The following NRG4 variants were observed in gnomAD, a reference collection of about 807,000 sequenced individuals.
NRG4 encodes neuregulin 4, also known as pro-neuregulin-4, membrane-bound isoform.
NRG4 carries 10 observed loss-of-function variants against 15.0 expected under a neutral mutation model. The observed-to-expected ratio is 0.67, with a 90% CI of 0.41 to 1.13. The LOEUF (loss-of-function observed/expected upper bound fraction) is 1.13, where lower values mean the gene tolerates loss of function less well. NRG4 is among the 50% of genes most tolerant of loss of function. The pLI, the probability that NRG4 is intolerant of heterozygous loss-of-function variation, is 0.00. For synonymous variants in NRG4, 41 were observed against 50.1 expected (o/e 0.82, Z 0.77); for missense variants, 139 against 140.2 (o/e 0.99, Z 0.04).
At chr15:76,031,089 C>T (rs1035016723) in intron 5 of NRG4, among the ~76,000 whole-genome samples, 2 of 151,920 alleles carry the variant, frequency 1.3e-5, no homozygotes, top group African/African-American at 4.8e-5. Context: ...ATACAATTCA[C>T]CACATTAACA....
intron 3 of NRG4, among the ~76,000 whole-genome samples, chr15:75,984,032 A>G (rs2141856585): frequency 6.6e-6 from 1 of 152,346 alleles, no homozygotes; most frequent in Middle Eastern, 3.4e-3. Flanking sequence ...GTTCCTGAAA[A>G]AATACATGGC....
At chr15:75,952,762 G>A (rs2031986836) in intron 5 of NRG4, among the ~76,000 whole-genome samples, 1 of 151,928 alleles carries the variant, frequency 6.6e-6, no homozygotes, top group African/African-American at 2.4e-5. Flanking sequence ...GGCTAATGAT[G>A]ATTGTCTTTT....
At chr15:75,983,457 A>G (rs944237473) in intron 3 of NRG4, among the ~76,000 whole-genome samples, 12 of 152,154 alleles carry the variant, frequency 7.9e-5, no homozygotes, top group Non-Finnish European at 1.2e-4. Flanking sequence ...AGTAAAAAAC[A>G]CTCACTGCTA....
At chr15:75,985,196 A>G (rs1802556541) in intron 3 of NRG4, among the ~76,000 whole-genome samples, 1 of 152,216 alleles carries the variant, frequency 6.6e-6, no homozygotes, top group Non-Finnish European at 1.5e-5. Flanking sequence ...AAGTTCCATT[A>G]TAACTCCCAG....
At chr15:76,019,959 T>C (rs2035102044) in intron 5 of NRG4, among the ~76,000 whole-genome samples, 1 of 152,246 alleles carries the variant, frequency 6.6e-6, no homozygotes, top group Non-Finnish European at 1.5e-5. Flanking sequence ...TGGTGCCATT[T>C]TTCCAACAGC....
In NRG4 at chr15:75,967,127, A is replaced by T. The variant is rs371641960; in HGVS notation, c.105-5153T>A. On this transcript the variant is annotated intron_variant, in intron 3 of 5. Transcript: ENST00000394907. ...GACTCCGTCTCAAAAAAAAAAAAAA[A>T]AAAAAAAGTCTACAGCCATATAACA... Among the ~76,000 whole-genome samples the T allele has an allele frequency of 9.3e-4, 141 of 151,672 alleles. 1 individual carries two copies. In the East Asian group the frequency reaches 0.024, roughly 26 times the overall value.
At chr15:76,037,931 GACACAA>G (rs879826301) in intron 4 of NRG4, among the ~76,000 whole-genome samples, 5,607 of 118,136 alleles carry the variant, frequency 0.047, 180 homozygotes, top group African/African-American at 0.09. Flanking sequence ...TACAATACTA[GACACAA>G]TACTAGACAG....
intron 4 of NRG4, among the ~76,000 whole-genome samples, chr15:76,051,441 T>C: frequency 6.6e-6 from 1 of 150,998 alleles, no homozygotes; most frequent in Non-Finnish European, 1.5e-5. Flanking sequence ...GTGTTCAGCC[T>C]AAAAGTTGAA....
At chr15:76,009,708 T>G (rs1173796896) in intron 2 of NRG4, among the ~76,000 whole-genome samples, 1 of 152,178 alleles carries the variant, frequency 6.6e-6, no homozygotes, top group African/African-American at 2.4e-5. Context: ...TCAAATACAT[T>G]AATATCTGAA....
intron 4 of NRG4, among the ~76,000 whole-genome samples, chr15:76,050,808 ATT>A (rs1253621582): frequency 1.4e-5 from 2 of 138,124 alleles, no homozygotes; most frequent in Admixed American, 7.2e-5. Context: ...TCCAAAACTA[ATT>A]TTTTTTTTTT....
chr15:75,980,505 A>G (rs1050399758), intron 3 of NRG4, among the ~76,000 whole-genome samples: 1 of 152,058 alleles, frequency 6.6e-6, no homozygotes, highest in Non-Finnish European at 1.5e-5. Context: ...AACCTGTATA[A>G]TCAAATACAG....
At chr15:76,050,597 ATT>A (rs35228253) in intron 4 of NRG4, among the ~76,000 whole-genome samples, 9,332 of 109,052 alleles carry the variant, frequency 0.086, 519 homozygotes, top group African/African-American at 0.18. Flanking sequence ...CGCTCGGCTA[ATT>A]TTTTTTTTTT....
At chr15:75,964,141 A>C (rs2032674182) in intron 3 of NRG4, among the ~76,000 whole-genome samples, 1 of 152,120 alleles carries the variant, frequency 6.6e-6, no homozygotes. Flanking sequence ...GAAATGGAAT[A>C]AACACACATA....
At chr15:76,060,178 C>CCAGGCGAGGGTGCGTGGGG (rs2036269700), upstream of NRG4, among the ~76,000 whole-genome samples, 1 of 151,768 alleles carries the variant, frequency 6.6e-6, no homozygotes, top group Non-Finnish European at 1.5e-5. Context: ...GCCGGGGGAG[C>CCAGGCGAGGGTGCGTGGGG]CAGGCGAGGG....
intron 3 of NRG4, among the ~76,000 whole-genome samples, chr15:76,006,917 G>A (rs1301798272): frequency 1.3e-5 from 2 of 152,124 alleles, no homozygotes; most frequent in African/African-American, 2.4e-5. Context: ...CAGATAGCTA[G>A]TATACAGATA....
intron 3 of NRG4, among the ~76,000 whole-genome samples, chr15:75,983,642 TAACTC>T (rs1227871456): frequency 6.6e-6 from 1 of 152,048 alleles, no homozygotes; most frequent in African/African-American, 2.4e-5. Flanking sequence ...AATAGTAACA[TAACTC>T]AATAAGATAG....
chr15:75,986,026 T>G (rs138447457), intron 3 of NRG4, among the ~76,000 whole-genome samples: 2,005 of 152,322 alleles, frequency 0.013, 138 homozygotes, highest in Admixed American at 0.12. Flanking sequence ...GAAACACATA[T>G]GGCTCAACCT....
chr15:76,059,703 C>T (rs1403371744), exon 1 of NRG4: 2 of 151,826 alleles, frequency 1.3e-5, no homozygotes, highest in Non-Finnish European at 2.9e-5. Context: ...ACAGCCGAGC[C>T]CCCGCCTCCG....
chr15:75,950,039 T>G (rs1180503419), intron 5 of NRG4, among the ~76,000 whole-genome samples: 1 of 152,242 alleles, frequency 6.6e-6, no homozygotes, highest in Non-Finnish European at 1.5e-5. Flanking sequence ...GGGATAGCAC[T>G]GCATCTATAT....
Sources: gnomAD v4.1 joint callset for allele counts (sites outside exome capture counted in the v4.1 genomes callset) on GRCh38, gnomAD v4.1.1 for gene constraint, MANE v1.5 for transcripts, NCBI Gene and HGNC (gene_info 2026-07-23, HGNC 2026-07-21) for gene names.